Variants in LCT observed in about 807,000 individuals in gnomAD.
The protein encoded by LCT is lactase/phlorizin hydrolase.
Under a neutral mutation model 173.0 loss-of-function variants are expected in LCT, and 90 were observed. That is an observed-to-expected ratio of 0.52 (90% CI 0.44 to 0.62). The LOEUF (loss-of-function observed/expected upper bound fraction) is 0.62, where lower values mean the gene tolerates loss of function less well. Ranked by LOEUF, LCT falls within the 20% of genes least tolerant of loss-of-function variation. The pLI is 0.00. For synonymous variants in LCT, 853 were observed against 957.6 expected (o/e 0.89, Z 2.02); for missense variants, 1,864 against 2,431.4 (o/e 0.77, Z 4.91).
intron 1 of LCT, 38 bp from the exon 2 acceptor site, chr2:135,833,228 G>A: frequency 6.8e-7 from 1 of 1,476,660 alleles, no homozygotes; most frequent in Non-Finnish European, 9.5e-7. Flanking sequence ...AGGTGAGCGA[G>A]GGCAGGAGGC....
rs187119551 is a variant in LCT at position 135,805,651 on chromosome 2, G to C, written c.4174-594C>G. Among the ~76,000 whole-genome samples the C allele has an allele frequency of 1.7e-3, 262 of 152,290 alleles. 1 individual carries two copies. The highest frequency in any genetic ancestry group is 6.1e-3 in the African/African-American group (252 of 41,556). ...ACTGCCTGCTTGGAAGGATCTAGCTGGGGAATAAAGGGGTCCAACAGGGAC... is the reference window on the plus strand; with the variant it reads ...ACTGCCTGCTTGGAAGGATCTAGCTCGGGAATAAAGGGGTCCAACAGGGAC... On this transcript the variant is annotated intron_variant, in intron 9 of 16. Transcript: ENST00000264162.
Position 135,808,453 on chromosome 2 carries a change from C to G in LCT, c.3894G>C (p.Glu1298Asp). ...RIFYHKTYIN[E>D]ALKAYRLDGI... Reference sequence around the variant, plus strand: ...TGAACCCTCACACACCTTTCAAAGCCTCATTGATGTAGGTTTTGTGGTAAA... The same window carrying G: ...TGAACCCTCACACACCTTTCAAAGCGTCATTGATGTAGGTTTTGTGGTAAA... Residue 1298 changes from glutamate (E) to aspartate (D), a missense_variant, in exon 8 of 17, where the codon GAG becomes GAC. Glu to Asp is a conservative substitution (Grantham distance 45). Around this residue, in one of 4 missense-constraint regions of LCT, gnomAD observed 755 missense variants for 926.3 expected, o/e 0.82. Transcript: ENST00000264162. 3 of 1,613,296 alleles carry G rather than the reference C, an allele frequency of 1.9e-6. No homozygotes were observed. Among genetic ancestry groups the G allele is most frequent in the Non-Finnish European group, 2.5e-6 (3 of 1,179,232 alleles).
chr2:135,827,662 C>G (rs192568998), intron 3 of LCT, among the ~76,000 whole-genome samples: 2 of 152,266 alleles, frequency 1.3e-5, no homozygotes, highest in African/African-American at 2.4e-5. Flanking sequence ...ACCTGGATCC[C>G]TCGCATGCGC....
intron 7 of LCT, 37 bp downstream of exon 7, chr2:135,812,274 C>A: frequency 6.4e-7 from 1 of 1,566,352 alleles, no homozygotes; most frequent in Non-Finnish European, 8.8e-7. Flanking sequence ...AGAAGTACCA[C>A]CCACCTTCCA....
rs200913371 is a variant in LCT at position 135,812,819 on chromosome 2, C to G, written c.1845G>C (p.Glu615Asp). 1.9e-6 allele frequency: 3 copies of G among 1,614,212 alleles called. No individual in the cohort carries two copies. Among genetic ancestry groups the G allele is most frequent in the Non-Finnish European group, 2.5e-6 (3 of 1,180,044 alleles). ...AGAAGCGCTCAGAGGCTCTCAGGTCCTCAGGCCTCTCTGGAGACAGGGGTT... is the reference window on the plus strand; with the variant it reads ...AGAAGCGCTCAGAGGCTCTCAGGTCGTCAGGCCTCTCTGGAGACAGGGGTT... ...WAEPLSPERPEDLRASERFLH... is the reference protein window; with the variant it reads ...WAEPLSPERPDDLRASERFLH... The change falls in exon 7 of 17, where the codon GAG (glutamate) becomes GAC (aspartate). Residue 615 changes from glutamate to aspartate, a missense_variant. Physicochemically the swap from Glu to Asp is conservative, Grantham distance 45. Around this residue, in one of 4 missense-constraint regions of LCT, gnomAD observed 755 missense variants for 926.3 expected, o/e 0.82. Transcript: ENST00000264162.
At chr2:135,792,111 C>G (rs1246847258) in intron 14 of LCT, among the ~76,000 whole-genome samples, 1 of 152,246 alleles carries the variant, frequency 6.6e-6, no homozygotes, top group Non-Finnish European at 1.5e-5. Context: ...GAACACACAT[C>G]CTCTCTGGGG....
chr2:135,826,005 T>C (rs1575347505), intron 3 of LCT, among the ~76,000 whole-genome samples: 1 of 152,124 alleles, frequency 6.6e-6, no homozygotes, highest in East Asian at 1.9e-4. Context: ...GCATGGGAAA[T>C]GCTACCAGGC....
Position 135,807,175 on chromosome 2 carries a change from GTCCGTACAGAAACTCA to G in LCT, c.4110_4125del (p.Glu1371GlyfsTer39). ...CTCCAGATGAAGCCCTCAGGAAACC[GTCCGTACAGAAACTCA>G]TCCTCCCTGGCCAGTGGCATGCCGT... On this transcript the variant is annotated frameshift_variant, in exon 9 of 17. Transcript: ENST00000264162. LOFTEE classifies it high-confidence loss of function. The G allele has an allele frequency of 6.2e-7, 1 of 1,614,230 alleles. No homozygotes were observed. Among genetic ancestry groups the G allele is most frequent in the Non-Finnish European group, 8.5e-7 (1 of 1,180,050 alleles).
At chr2:135,807,024 C>T in intron 9 of LCT, 104 bp downstream of exon 9, 1 of 1,349,968 alleles carries the variant, frequency 7.4e-7, no homozygotes, top group Non-Finnish European at 1.1e-6. Flanking sequence ...CATGGGTCTG[C>T]TGGAATCTCC....
At chr2:135,800,548 A>T in intron 12 of LCT, 59 bp downstream of exon 12, 1 of 1,385,358 alleles carries the variant, frequency 7.2e-7, no homozygotes, top group Non-Finnish European at 1.0e-6. Flanking sequence ...ATCTGTTTCC[A>T]TTAGGCTGGA....
At chr2:135,802,070 TA>T (rs1352626825) in intron 11 of LCT, among the ~76,000 whole-genome samples, 1 of 152,106 alleles carries the variant, frequency 6.6e-6, no homozygotes, top group Non-Finnish European at 1.5e-5. Flanking sequence ...GACACGGAGA[TA>T]CCCTGATAGT....
intron 7 of LCT, among the ~76,000 whole-genome samples, chr2:135,811,916 TAAA>T (rs762461343): frequency 1.4e-5 from 2 of 138,314 alleles, no homozygotes; most frequent in Non-Finnish European, 1.6e-5. Flanking sequence ...ACCCCATGTC[TAAA>T]AAAAAAAAAA....
intron 6 of LCT, 54 bp from the exon 7 acceptor site, chr2:135,813,010 C>G: frequency 1.3e-6 from 2 of 1,494,370 alleles, no homozygotes; most frequent in South Asian, 2.3e-5. Context: ...ACAATGACAA[C>G]AACAGGACTA....
intron 2 of LCT, 38 bp from the exon 3 acceptor site, chr2:135,829,714 G>A (rs1558745934): frequency 1.5e-6 from 2 of 1,350,642 alleles, no homozygotes; most frequent in African/African-American, 2.9e-5. Flanking sequence ...TAGAACCTAA[G>A]CACTGTCAAG....
chr2:135,822,136 C>T, intron 4 of LCT, 38 bp from the exon 5 acceptor site: 1 of 1,191,030 alleles, frequency 8.4e-7, no homozygotes, highest in Non-Finnish European at 1.3e-6. Context: ...TATGTAAATG[C>T]CAACTAAGAA....
chr2:135,807,541 A>T, intron 8 of LCT, 145 bp from the exon 9 acceptor site: 2 of 764,812 alleles, frequency 2.6e-6, no homozygotes, highest in Non-Finnish European at 4.6e-6. Flanking sequence ...TCATCTGTTG[A>T]TCTTACTTTT....
At chr2:135,833,040 T>C (rs1233946511) in intron 2 of LCT, 71 bp downstream of exon 2, 1 of 1,180,844 alleles carries the variant, frequency 8.5e-7, no homozygotes, top group Non-Finnish European at 1.3e-6. Flanking sequence ...GACCAAAACT[T>C]CTCTTGTTTT....
intron 3 of LCT, among the ~76,000 whole-genome samples, chr2:135,826,547 G>A (rs2077890746): frequency 6.6e-6 from 1 of 152,056 alleles, no homozygotes; most frequent in Admixed American, 6.6e-5. Context: ...CAGCCTGGGT[G>A]ACAGAGCGAG....
chr2:135,800,808 T>A lies in LCT; in HGVS notation c.4665A>T (p.Gly1555=). ...QGYGYGTAAP[G]VSNRPGTAPY... ...GGGCAGTGCCAGGCCTATTGGAGACTCCTGGAAACATACACATGGATGTCA... is the reference window on the plus strand; with the variant it reads ...GGGCAGTGCCAGGCCTATTGGAGACACCTGGAAACATACACATGGATGTCA... The change falls in exon 12 of 17, where the codon GGA becomes GGT. Residue 1555 remains glycine (G), a splice_region_variant and synonymous_variant. Coordinates refer to ENST00000264162, the MANE Select transcript of LCT (RefSeq NM_002299.4). The A allele has an allele frequency of 6.2e-7, 1 of 1,610,888 alleles. No homozygotes were observed. Among genetic ancestry groups the A allele is most frequent in the Non-Finnish European group, 8.5e-7 (1 of 1,177,184 alleles).
Sources: gnomAD v4.1 joint callset for allele counts (sites outside exome capture counted in the v4.1 genomes callset) on GRCh38, gnomAD v4.1.1 for gene constraint, gnomAD v4.1.1 regional missense constraint, MANE v1.5 for transcripts, NCBI Gene and HGNC (gene_info 2026-07-23, HGNC 2026-07-21) for gene names.